FAR2: variants seen among roughly 807,000 people sequenced by gnomAD.
The protein encoded by FAR2 is epididymis secretory protein Li 81.
Under a neutral mutation model 56.0 loss-of-function variants are expected in FAR2, and 19 were observed. That is an observed-to-expected ratio of 0.34 (90% CI 0.24 to 0.50). FAR2 has a LOEUF of 0.50. Ranked by LOEUF, FAR2 falls within the 20% of genes least tolerant of loss-of-function variation. The probability of loss-of-function intolerance (pLI) is 0.98; values close to 1 mark genes in which losing one functional copy is unlikely to be tolerated. For missense variants in FAR2, 508 were observed against 642.2 expected (o/e 0.79, Z 2.26); for synonymous variants, 219 against 218.8 (o/e 1.00, Z -0.01).
chr12:29,291,266 A>G (rs1237990068), intron 2 of FAR2: 9 of 346,668 alleles, frequency 2.6e-5, no homozygotes, highest in Non-Finnish European at 5.2e-5. Flanking sequence ...GTGTTTCCCA[A>G]TTATGGTACC....
At chr12:29,237,037 A>C (rs1464755594) in intron 1 of FAR2, among the ~76,000 whole-genome samples, 1 of 152,206 alleles carries the variant, frequency 6.6e-6, no homozygotes, top group Non-Finnish European at 1.5e-5. Flanking sequence ...TAATCAGTTA[A>C]AGATAAAGAC....
chr12:29,308,482 A>C (rs747593838), intron 5 of FAR2, among the ~76,000 whole-genome samples: 2 of 151,944 alleles, frequency 1.3e-5, no homozygotes, highest in Non-Finnish European at 2.9e-5. Context: ...AACAAATATT[A>C]ATCCCTTCAT....
At chr12:29,298,295 T>G (rs1245471167) in intron 4 of FAR2, among the ~76,000 whole-genome samples, 3 of 19,432 alleles carry the variant, frequency 1.5e-4, no homozygotes, top group Non-Finnish European at 2.6e-4. Flanking sequence ...GTTTACCTTG[T>G]TTTTTTTTTT....
chr12:29,155,954 CATT>C (rs1445697525), intron 1 of FAR2, among the ~76,000 whole-genome samples: 1 of 152,116 alleles, frequency 6.6e-6, no homozygotes, highest in Non-Finnish European at 1.5e-5. Flanking sequence ...GGTCCTCAAA[CATT>C]ATTGGCATTC....
chr12:29,311,474 A>G (rs1010016825), intron 7 of FAR2, among the ~76,000 whole-genome samples: 1 of 152,140 alleles, frequency 6.6e-6, no homozygotes, highest in Non-Finnish European at 1.5e-5. Context: ...AGCTGATGAA[A>G]TGACAGAATT....
At chr12:29,151,398 G>T (rs1270248792) in intron 1 of FAR2, 1 of 146,192 alleles carries the variant, frequency 6.8e-6, no homozygotes, top group East Asian at 1.9e-4. Flanking sequence ...AATTTCAGGA[G>T]TTCATGGCCT....
At position 29,203,450 on chromosome 12, in the gene FAR2, T is replaced by C. The variant is rs557065139; in HGVS notation, c.-39+54043T>C. 2.8e-4 allele frequency among the ~76,000 whole-genome samples: 43 copies of C among 152,210 alleles called. 2 individuals are homozygous for C. In the South Asian group the frequency reaches 8.5e-3, roughly 30 times the overall value. ...ACATGATAGAATCATCCAAGATGAG[T>C]TCCTGGTGTGAAATGTAATTAGTGG... is the stretch of plus-strand genomic sequence containing the variant. On this transcript the variant is annotated intron_variant, in intron 1 of 11. Transcript: ENST00000536681.
intron 3 of FAR2, among the ~76,000 whole-genome samples, chr12:29,295,500 G>A (rs1949049077): frequency 6.6e-6 from 1 of 152,076 alleles, no homozygotes; most frequent in South Asian, 2.1e-4. Context: ...TGCATATGTA[G>A]AATACTTGGG....
intron 7 of FAR2, 55 bp from the exon 8 acceptor site, chr12:29,311,828 C>T: frequency 4.0e-6 from 5 of 1,257,024 alleles, no homozygotes; most frequent in Non-Finnish European, 5.7e-6. Context: ...CCTTATTTTT[C>T]TCTCATTAGT....
intron 1 of FAR2, among the ~76,000 whole-genome samples, chr12:29,190,670 A>T (rs1318941509): frequency 6.6e-6 from 1 of 151,876 alleles, no homozygotes; most frequent in East Asian, 1.9e-4. Context: ...TCACTGTGTT[A>T]GCCAGGATGG....
intron 2 of FAR2, among the ~76,000 whole-genome samples, chr12:29,284,839 G>GTTTT (rs562685243): frequency 0.068 from 10,382 of 152,046 alleles, 403 homozygotes; most frequent in South Asian, 0.12. Flanking sequence ...TGTTTTGTTT[G>GTTTT]TTTGTTTGTT....
intron 10 of FAR2, among the ~76,000 whole-genome samples, chr12:29,329,959 G>C (rs983392284): frequency 5.3e-5 from 8 of 151,974 alleles, no homozygotes; most frequent in Non-Finnish European, 1.0e-4. Context: ...TGAGCTTTCT[G>C]GTAGTAAAGT....
chr12:29,242,008 C>T (rs1948045049), intron 1 of FAR2, among the ~76,000 whole-genome samples: 1 of 152,228 alleles, frequency 6.6e-6, no homozygotes, highest in Non-Finnish European at 1.5e-5. Flanking sequence ...ATGTGGGCTT[C>T]TCCTGGTGCT....
intron 1 of FAR2, among the ~76,000 whole-genome samples, chr12:29,181,342 A>C (rs1378258224): frequency 3.3e-5 from 5 of 152,328 alleles, no homozygotes; most frequent in African/African-American, 1.2e-4. Flanking sequence ...AGAATTAAGA[A>C]GATTTTTGTG....
chr12:29,179,368 G>A (rs1949971524), intron 1 of FAR2, among the ~76,000 whole-genome samples: 3 of 152,140 alleles, frequency 2.0e-5, no homozygotes, highest in African/African-American at 7.2e-5. Flanking sequence ...GGAACATTGG[G>A]CTAGGTAGTT....
chr12:29,177,122 G>A (rs1358278043), intron 1 of FAR2, among the ~76,000 whole-genome samples: 1 of 152,144 alleles, frequency 6.6e-6, no homozygotes, highest in Non-Finnish European at 1.5e-5. Flanking sequence ...ACCCGATTAC[G>A]AGCCTGAGGA....
chr12:29,179,165 A>G (rs939432564), intron 1 of FAR2, among the ~76,000 whole-genome samples: 2 of 152,168 alleles, frequency 1.3e-5, no homozygotes, highest in African/African-American at 2.4e-5. Flanking sequence ...ATCTCCAAAT[A>G]TGGTCACATT....
At chr12:29,168,707 C>T (rs562715070) in intron 1 of FAR2, among the ~76,000 whole-genome samples, 5 of 152,232 alleles carry the variant, frequency 3.3e-5, no homozygotes, top group Admixed American at 6.5e-5. Flanking sequence ...AGAATGAAGC[C>T]GTGGACGTTC....
chr12:29,224,270 A>G (rs1365166803), intron 1 of FAR2, among the ~76,000 whole-genome samples: 1 of 152,192 alleles, frequency 6.6e-6, no homozygotes, highest in Non-Finnish European at 1.5e-5. Context: ...GGAAGGATGG[A>G]TGGAGGAAGA....
Sources: allele counts gnomAD v4.1 joint callset (sites outside exome capture counted in the v4.1 genomes callset), GRCh38; gene constraint gnomAD v4.1.1; transcripts MANE v1.5; gene names NCBI Gene and HGNC (gene_info 2026-07-23, HGNC 2026-07-21).